The following MALT1 variants were observed in gnomAD, a reference collection of about 807,000 sequenced individuals.
MALT1 encodes the protein MALT1 paracaspase, also known as mucosa-associated lymphoid tissue lymphoma translocation protein 1.
In MALT1, 36 loss-of-function variants were observed where a neutral mutation model predicts 85.5. The ratio of observed to expected loss-of-function variants is 0.42; its 90% CI spans 0.32 to 0.56. MALT1 has a LOEUF of 0.56. Ranked by LOEUF, MALT1 falls within the 20% of genes least tolerant of loss-of-function variation. The pLI is 0.10. For missense variants in MALT1, 716 were observed against 981.6 expected (o/e 0.73, Z 3.62); for synonymous variants, 359 against 361.3 (o/e 0.99, Z 0.07).
At chr18:58,743,943 CAAT>C (rs1051484073) in intron 14 of MALT1, among the ~76,000 whole-genome samples, 8 of 151,934 alleles carry the variant, frequency 5.3e-5, no homozygotes, top group Admixed American at 3.9e-4. Context: ...GATAGAAAAA[CAAT>C]AAAACCCAGA....
chr18:58,707,596 G>T (rs1191368587), intron 4 of MALT1, among the ~76,000 whole-genome samples: 1 of 151,874 alleles, frequency 6.6e-6, no homozygotes, highest in Non-Finnish European at 1.5e-5. Flanking sequence ...CCCTGACAGG[G>T]TTACATTTTC....
Position 58,740,154 on chromosome 18 carries a change from A to G in MALT1, c.1604-1711A>G, listed in dbSNP as rs141425126. Among the ~76,000 whole-genome samples the G allele has an allele frequency of 4.4e-3, 672 of 152,318 alleles. 4 individuals are homozygous for G. Among genetic ancestry groups the G allele is most frequent in the African/African-American group, 0.015 (624 of 41,572 alleles). On this transcript the variant is annotated intron_variant, in intron 13 of 16. Coordinates refer to ENST00000649217, the MANE Select transcript of MALT1 (RefSeq NM_006785.4). The stretch of plus-strand genomic sequence containing the variant: ...TCATTTAGTTGCTCATATTTCTAAT[A>G]GTATTCTTTAATCTCTGCCTTATCC...
intron 2 of MALT1, chr18:58,691,249 C>G: frequency 2.5e-6 from 1 of 402,664 alleles, no homozygotes; most frequent in South Asian, 2.0e-5. Flanking sequence ...GAGGGCTATC[C>G]TTACCCCTAT....
In MALT1 at chr18:58,747,984, C is replaced by CT. The variant is rs2055394341; in HGVS notation, c.*145dup. 1.6e-6 allele frequency: 1 copy of CT among 635,174 alleles called. No homozygotes were observed. Among genetic ancestry groups the CT allele is most frequent in the African/African-American group, 1.8e-5 (1 of 54,570 alleles). The allele number at this position is 635,174 out of a possible 1,614,324, so 39.3% of individuals were successfully genotyped here. A position where few individuals can be genotyped will look rare whatever the true frequency, so the allele number is the denominator to read the frequency against. On this transcript the variant is annotated 3_prime_UTR_variant, in exon 17 of 17. Transcript: ENST00000649217. ...AACTGTTTCATAGCAAACTTCAGGA[C>CT]TTTGAGATGTTGAAATTACATTATT...
chr18:58,709,120 CTT>C (rs1293454780), intron 4 of MALT1, among the ~76,000 whole-genome samples: 1 of 152,202 alleles, frequency 6.6e-6, no homozygotes, highest in South Asian at 2.1e-4. Context: ...CATACTAACA[CTT>C]TTAAAGCTTT....
intron 13 of MALT1, among the ~76,000 whole-genome samples, chr18:58,737,609 CAG>C (rs1420641744): frequency 1.3e-5 from 2 of 152,046 alleles, no homozygotes. Flanking sequence ...TGTGAGACTA[CAG>C]AGTCTCTGTC....
chr18:58,692,224 C>G (rs2054515997), intron 2 of MALT1: 1 of 152,100 alleles, frequency 6.6e-6, no homozygotes, highest in Non-Finnish European at 1.5e-5. Context: ...GGCCTGGGGT[C>G]CCCCTGGAGC....
At chr18:58,674,921 A>G (rs11663412) in intron 1 of MALT1, among the ~76,000 whole-genome samples, 8,801 of 152,286 alleles carry the variant, frequency 0.058, 305 homozygotes, top group Middle Eastern at 0.15. Context: ...AAATTTAATA[A>G]TACAAATAAG....
chr18:58,727,730 G>GAGTTACCT (rs1476061934), intron 10 of MALT1, among the ~76,000 whole-genome samples: 1 of 150,626 alleles, frequency 6.6e-6, no homozygotes, highest in Non-Finnish European at 1.5e-5. Flanking sequence ...TCTGAGAGTC[G>GAGTTACCT]AGTTACCTAA....
chr18:58,679,116 A>G (rs1211469212), intron 1 of MALT1, among the ~76,000 whole-genome samples: 1 of 152,194 alleles, frequency 6.6e-6, no homozygotes, highest in Non-Finnish European at 1.5e-5. Context: ...TTCCCCTTCT[A>G]TAAAATGATT....
chr18:58,676,518 G>A (rs553589144), intron 1 of MALT1, among the ~76,000 whole-genome samples: 1 of 152,268 alleles, frequency 6.6e-6, no homozygotes, highest in Admixed American at 6.5e-5. Context: ...AGTAGTCTTT[G>A]TACTTGCTGC....
chr18:58,736,615 T>C (rs2055225116), intron 13 of MALT1, among the ~76,000 whole-genome samples: 2 of 152,212 alleles, frequency 1.3e-5, no homozygotes, highest in South Asian at 2.1e-4. Flanking sequence ...ACATATGATA[T>C]TTACCAAATT....
rs767051942 is a variant in MALT1 at position 58,723,266 on chromosome 18, ATGTT to A, written c.1222+21_1222+24del. 6.4e-6 allele frequency: 10 copies of A among 1,574,768 alleles called. No homozygotes were observed. The African/African-American group carries it at 8.1e-5, about 13-fold the overall frequency. Reference sequence around the variant, plus strand: ...GGGAGTATATGGTAAGATATTTATAATGTTTGTTTTTACAATTATCCATTATTCT... The same window carrying A: ...GGGAGTATATGGTAAGATATTTATAATGTTTTTACAATTATCCATTATTCT... On this transcript the variant is annotated intron_variant, in intron 10 of 16. Transcript: ENST00000649217.
intron 8 of MALT1, among the ~76,000 whole-genome samples, chr18:58,714,707 C>G (rs940309916): frequency 1.3e-5 from 2 of 152,040 alleles, no homozygotes; most frequent in African/African-American, 4.8e-5. Flanking sequence ...AAGCCTTCAC[C>G]TGAGATAAAA....
At chr18:58,733,745 T>C in intron 11 of MALT1, 171 bp downstream of exon 11, 3 of 740,212 alleles carry the variant, frequency 4.1e-6, no homozygotes, top group Non-Finnish European at 6.2e-6. Context: ...GTATATCTAA[T>C]TATTTTAACT....
chr18:58,725,639 G>T (rs2055044969), intron 10 of MALT1, among the ~76,000 whole-genome samples: 2 of 152,156 alleles, frequency 1.3e-5, no homozygotes, highest in South Asian at 4.1e-4. Context: ...ATCAGTTTAG[G>T]TTTCTGTATT....
At chr18:58,681,126 T>C (rs2054316850) in intron 1 of MALT1, 44 bp from the exon 2 acceptor site, 6 of 1,589,374 alleles carry the variant, frequency 3.8e-6, no homozygotes, top group Non-Finnish European at 5.2e-6. Context: ...AGGTGTATCA[T>C]GTGGAAGAAA....
chr18:58,707,229 A>G (rs1028741652), intron 4 of MALT1, among the ~76,000 whole-genome samples: 2 of 151,740 alleles, frequency 1.3e-5, no homozygotes, highest in African/African-American at 4.8e-5. Context: ...TGAAATTGTA[A>G]GTTGGCCACC....
intron 9 of MALT1, among the ~76,000 whole-genome samples, chr18:58,722,336 CTG>C (rs2054996414): frequency 6.6e-6 from 1 of 152,088 alleles, no homozygotes; most frequent in African/African-American, 2.4e-5. Context: ...AACAAAAAAA[CTG>C]TTTCTATCAG....
Sources: gnomAD v4.1 joint callset for allele counts (sites outside exome capture counted in the v4.1 genomes callset) on GRCh38, gnomAD v4.1.1 for gene constraint, MANE v1.5 for transcripts, NCBI Gene and HGNC (gene_info 2026-07-23, HGNC 2026-07-21) for gene names.